BUD13: variants seen among roughly 807,000 people sequenced by gnomAD.
BUD13 encodes the protein BUD13 homolog.
BUD13 carries 47 observed loss-of-function variants against 62.5 expected under a neutral mutation model. The observed-to-expected ratio is 0.75, with a 90% CI of 0.60 to 0.96. The LOEUF is 0.96. Ranked by LOEUF, BUD13 falls within the 40% of genes least tolerant of loss-of-function variation. The pLI is 0.00. For missense variants in BUD13, 821 were observed against 790.9 expected, an observed-to-expected ratio of 1.04 and a Z score of -0.46; for synonymous variants, 293 against 280.1, an observed-to-expected ratio of 1.05 and a Z score of -0.46.
At chr11:116,756,846 AC>A (rs1940334497) in intron 9 of BUD13, among the ~76,000 whole-genome samples, 1 of 152,138 alleles carries the variant, frequency 6.6e-6, no homozygotes, top group African/African-American at 2.4e-5. Context: ...TCATCACTCA[AC>A]CCCTCTAAAC....
rs755556135 is a variant in BUD13, at chr11:116,759,165, A to G, written c.1269T>C (p.Tyr423=). The G allele has an allele frequency of 1.2e-6, 2 of 1,614,014 alleles. No homozygotes were observed. Among genetic ancestry groups the G allele is most frequent in the South Asian group, 2.2e-5 (2 of 91,086 alleles). The change falls in exon 6 of 10, where the codon TAT becomes TAC. Residue 423 remains tyrosine (Y), a synonymous_variant. Coordinates refer to ENST00000260210, the MANE Select transcript of BUD13 (RefSeq NM_032725.4). The part of the protein sequence containing the change: ...QPPGKKAAHM[Y]SGAKTGLVLT... The stretch of plus-strand genomic sequence containing the variant: ...ACACCAACCCAGTTTTAGCCCCAGA[A>G]TACATGTGTGCAGCCTATGCAACGG...
chr11:116,760,643 T>A (rs554805018), intron 5 of BUD13, 92 bp downstream of exon 5: 275 of 1,375,222 alleles, frequency 2.0e-4, no homozygotes, highest in Non-Finnish European at 2.8e-4. Context: ...CAGAGCTACA[T>A]CCTTCTTCTT....
chr11:116,758,939 A>T, intron 6 of BUD13, 135 bp downstream of exon 6: 1 of 674,432 alleles, frequency 1.5e-6, no homozygotes, highest in Non-Finnish European at 2.6e-6. Flanking sequence ...TTCACTGAGA[A>T]ATTACAACAA....
chr11:116,762,872 A>G lies in BUD13; in HGVS notation c.717T>C (p.Ser239=), dbSNP rs775821722. Reference sequence around the variant, plus strand: ...AGTTGTTATGGACCCTTCTGGGGGAAGAGATATCTGAGGAACCATGACGGG... The same window carrying G: ...AGTTGTTATGGACCCTTCTGGGGGAGGAGATATCTGAGGAACCATGACGGG... ...RRARHGSSDI[S]SPRRVHNNSP... Residue 239 remains serine (S), a synonymous_variant, in exon 4 of 10, where the codon TCT becomes TCC. Coordinates refer to ENST00000260210, the MANE Select transcript of BUD13 (RefSeq NM_032725.4). 2.5e-6 allele frequency: 4 copies of G among 1,613,270 alleles called. No homozygotes were observed. In the African/African-American group the frequency reaches 5.3e-5, roughly 22 times the overall value.
intron 2 of BUD13, 86 bp downstream of exon 2, chr11:116,770,043 C>T (rs1371782823): frequency 2.1e-5 from 22 of 1,029,430 alleles, no homozygotes; most frequent in Middle Eastern, 2.2e-4. Context: ...GGTGACAGAG[C>T]GAGACTCCGT....
intron 3 of BUD13, 49 bp from the exon 4 acceptor site, chr11:116,763,315 C>T: frequency 1.4e-6 from 2 of 1,480,412 alleles, no homozygotes; most frequent in Non-Finnish European, 1.8e-6. Context: ...CTCTGTCCCT[C>T]TGTCCACCCC....
chr11:116,766,700 T>C (rs1161106681), intron 2 of BUD13, among the ~76,000 whole-genome samples: 1 of 152,232 alleles, frequency 6.6e-6, no homozygotes, highest in African/African-American at 2.4e-5. Context: ...ATGACACCTA[T>C]TAATTATTCC....
intron 9 of BUD13, among the ~76,000 whole-genome samples, 179 bp from the exon 10 acceptor site, chr11:116,748,754 A>G (rs560132125): frequency 1.7e-4 from 26 of 152,346 alleles, no homozygotes; most frequent in Non-Finnish European, 3.4e-4. Context: ...TTGGGAGGCC[A>G]AGGCGGGTAG....
intron 9 of BUD13, among the ~76,000 whole-genome samples, chr11:116,756,930 G>C (rs567693088): frequency 6.6e-6 from 1 of 152,328 alleles, no homozygotes; most frequent in Non-Finnish European, 1.5e-5. Flanking sequence ...TGAGGTGTTT[G>C]TCCAGAGCTT....
At chr11:116,772,638 A>G (rs1409913901) in intron 1 of BUD13, among the ~76,000 whole-genome samples, 184 bp downstream of exon 1, 2 of 152,172 alleles carry the variant, frequency 1.3e-5, no homozygotes, top group Admixed American at 1.3e-4. Flanking sequence ...TCGAGATGTA[A>G]GCGGGGCGGC....
rs533924248 is a variant in BUD13, at chr11:116,767,195, A to T, written c.238-1749T>A. 5.9e-5 allele frequency among the ~76,000 whole-genome samples: 9 copies of T among 152,140 alleles called. 1 individual carries two copies. The South Asian group carries it at 1.9e-3, about 32-fold the overall frequency. ...AGTGTGAGAATATGTCTCAAAAAAA[A>T]AAAATAATAAAAACAATTATGAACT... On this transcript the variant is annotated intron_variant, in intron 2 of 9. Transcript: ENST00000260210.
Position 116,772,867 on chromosome 11 carries a change from T to C in BUD13, c.98A>G (p.Lys33Arg), listed in dbSNP as rs756515579. The change falls in exon 1 of 10, where the codon AAG (lysine) becomes AGG (arginine). Residue 33 changes from lysine (K) to arginine (R), a missense_variant. Around this residue, in one of 2 missense-constraint regions of BUD13, gnomAD observed 800 missense variants for 739.2 expected, o/e 1.08. Coordinates refer to ENST00000260210, the MANE Select transcript of BUD13 (RefSeq NM_032725.4). ...AGGCTTCGGCCGCTTTTTGCGACGC[T>C]TGCGACCGGACTCAGATCCCCGGTC... ...GVDRGSESGRKRRKKRPKPGG... is the reference protein window; with the variant it reads ...GVDRGSESGRRRRKKRPKPGG... 3 of 1,591,530 alleles carry C rather than the reference T, an allele frequency of 1.9e-6. No individual in the cohort carries two copies. Among genetic ancestry groups the C allele is most frequent in the Non-Finnish European group, 1.7e-6 (2 of 1,170,434 alleles).
intron 2 of BUD13, among the ~76,000 whole-genome samples, chr11:116,768,260 T>C (rs938710981): frequency 2.0e-5 from 3 of 152,102 alleles, no homozygotes; most frequent in African/African-American, 7.2e-5. Flanking sequence ...ACAGAACAGA[T>C]AAAATATATA....
chr11:116,748,201 A>T lies in BUD13; in HGVS notation c.*281T>A, dbSNP rs1196125633. The T allele has an allele frequency of 9.4e-6, 3 of 320,462 alleles. No homozygotes were observed. The highest frequency in any genetic ancestry group is 9.0e-5 in the Admixed American group (2 of 22,206). 19.9% of individuals were successfully genotyped at this position (320,462 alleles called of 1,614,324 possible). Reference sequence around the variant, plus strand: ...TAAAAAAATAAATACATGTTTATTTAAAAAAGAAAAAGAAAAACCCTACCA... The same window carrying T: ...TAAAAAAATAAATACATGTTTATTTTAAAAAGAAAAAGAAAAACCCTACCA... On this transcript the variant is annotated 3_prime_UTR_variant, in exon 10 of 10. Coordinates refer to ENST00000260210, the MANE Select transcript of BUD13 (RefSeq NM_032725.4).
intron 5 of BUD13, among the ~76,000 whole-genome samples, chr11:116,759,842 G>A (rs1279737184): frequency 6.6e-6 from 1 of 152,112 alleles, no homozygotes; most frequent in Non-Finnish European, 1.5e-5. Context: ...GAACAGGCTG[G>A]TCTACCCTGC....
At chr11:116,750,628 G>C (rs545979406) in intron 9 of BUD13, among the ~76,000 whole-genome samples, 2 of 152,148 alleles carry the variant, frequency 1.3e-5, no homozygotes, top group Non-Finnish European at 2.9e-5. Context: ...CCTGCAAGTC[G>C]TAGTTCAGAC....
At chr11:116,765,639 G>A (rs1940519267) in intron 2 of BUD13, among the ~76,000 whole-genome samples, 193 bp from the exon 3 acceptor site, 1 of 152,186 alleles carries the variant, frequency 6.6e-6, no homozygotes, top group African/African-American at 2.4e-5. Flanking sequence ...CACTGTATTG[G>A]TTTAATTGTA....
chr11:116,771,027 G>A (rs776057228), intron 1 of BUD13, among the ~76,000 whole-genome samples: 19 of 149,224 alleles, frequency 1.3e-4, no homozygotes, highest in Non-Finnish European at 2.5e-4. Context: ...ACTCCTAGAT[G>A]CAAGCAATCC....
intron 6 of BUD13, among the ~76,000 whole-genome samples, chr11:116,758,716 T>C (rs1036917780): frequency 6.6e-6 from 1 of 151,106 alleles, no homozygotes; most frequent in Non-Finnish European, 1.5e-5. Context: ...GCCTCCTGAG[T>C]AGCTGGGATT....
Sources: allele counts gnomAD v4.1 joint callset (sites outside exome capture counted in the v4.1 genomes callset), GRCh38; gene constraint gnomAD v4.1.1; regional missense constraint gnomAD v4.1.1; transcripts MANE v1.5; gene names NCBI Gene and HGNC (gene_info 2026-07-23, HGNC 2026-07-21).